Variants in LURAP1L observed in about 807,000 individuals in gnomAD.
LURAP1L encodes the protein leucine rich adaptor protein 1 like.
LURAP1L carries 12 observed loss-of-function variants against 13.8 expected under a neutral mutation model. The observed-to-expected ratio is 0.87, with a 90% confidence interval of 0.56 to 1.41. LURAP1L has a LOEUF of 1.41. Ranked by LOEUF, LURAP1L falls within the 40% of genes most tolerant of loss-of-function variation. The pLI, the probability that LURAP1L is intolerant of heterozygous loss-of-function variation, is 0.00. For missense variants in LURAP1L, 375 were observed against 292.9 expected (o/e 1.28, Z -2.04); for synonymous variants, 139 against 119.2 (o/e 1.17, Z -1.08).
At chr9:12,810,780 T>C (rs1015941983) in intron 1 of LURAP1L, among the ~76,000 whole-genome samples, 8 of 152,168 alleles carry the variant, frequency 5.3e-5, no homozygotes, top group Non-Finnish European at 1.0e-4. Flanking sequence ...TATTGGATGC[T>C]CTTCAGATCA....
chr9:12,785,880 A>C (rs1019362999), intron 1 of LURAP1L, among the ~76,000 whole-genome samples: 10 of 152,228 alleles, frequency 6.6e-5, no homozygotes, highest in African/African-American at 2.4e-4. Context: ...TTGTTTAGAT[A>C]GTTGTTCAAC....
In LURAP1L at chr9:12,821,733, G is replaced by A; in HGVS notation, c.660G>A (p.Leu220=). The change falls in exon 2 of 2, where the codon TTG becomes TTA. Residue 220 remains leucine (L), a synonymous_variant. Transcript: ENST00000319264. The part of the protein sequence containing the change: ...DSQALHKRPK[L]DSEYYCFG ...AGGCACTACACAAGCGTCCTAAATT[G>A]GATTCTGAATACTACTGCTTTGGCT... The A allele has an allele frequency of 1.9e-6, 3 of 1,613,802 alleles. No individual in the cohort carries two copies. The highest frequency in any genetic ancestry group is 2.5e-6 in the Non-Finnish European group (3 of 1,179,802).
In LURAP1L at chr9:12,776,041, G is replaced by A. The variant is rs1361782456; in HGVS notation, c.312+14G>A. ...AGGCAAGAGATGGTGAGTGTGGTGC[G>A]CCAGCCGCGGGGGCTGGGACCTGGG... On this transcript the variant is annotated intron_variant, in intron 1 of 1. Transcript: ENST00000319264. The A allele has an allele frequency of 6.2e-7, 1 of 1,612,060 alleles. No homozygotes were observed. The highest frequency in any genetic ancestry group is 8.5e-7 in the Non-Finnish European group (1 of 1,179,212).
intron 1 of LURAP1L, among the ~76,000 whole-genome samples, chr9:12,809,470 T>G (rs1819708080): frequency 6.6e-6 from 1 of 152,216 alleles, no homozygotes; most frequent in Admixed American, 6.5e-5. Flanking sequence ...GCATTTTCAT[T>G]TGTTTCCTTC....
intron 1 of LURAP1L, among the ~76,000 whole-genome samples, chr9:12,776,782 C>T (rs563999509): frequency 6.6e-6 from 1 of 152,218 alleles, no homozygotes; most frequent in South Asian, 2.1e-4. Flanking sequence ...TGTTTGCAAA[C>T]GTTTGCCTGA....
At chr9:12,806,399 C>G (rs1408032146) in intron 1 of LURAP1L, among the ~76,000 whole-genome samples, 1 of 147,148 alleles carries the variant, frequency 6.8e-6, no homozygotes, top group Non-Finnish European at 1.5e-5. Context: ...TTTTTCTTTT[C>G]TGGGTAGAAG....
intron 1 of LURAP1L, among the ~76,000 whole-genome samples, chr9:12,804,274 G>A (rs756760245): frequency 4.6e-5 from 7 of 151,378 alleles, no homozygotes; most frequent in African/African-American, 1.7e-4. Context: ...AGTCTATACC[G>A]TATTGGCCCC....
chr9:12,775,411 G>C lies in LURAP1L; in HGVS notation c.-305G>C, dbSNP rs1314716757. Reference sequence around the variant, plus strand: ...CCCCCTCTTTATTCCCCCTCTGTCTGCAATATCAGTGAACTCAACTTTGCA... The same window carrying C: ...CCCCCTCTTTATTCCCCCTCTGTCTCCAATATCAGTGAACTCAACTTTGCA... On this transcript the variant is annotated 5_prime_UTR_variant, in exon 1 of 2. Coordinates refer to ENST00000319264, the MANE Select transcript of LURAP1L (RefSeq NM_203403.2). The C allele has an allele frequency of 2.9e-6, 1 of 347,662 alleles. No homozygotes were observed. Among genetic ancestry groups the C allele is most frequent in the Admixed American group, 4.7e-5 (1 of 21,280 alleles). The allele number at this position is 347,662 out of a possible 1,614,324, so 21.5% of individuals were successfully genotyped here. A position where few individuals can be genotyped will look rare whatever the true frequency, so the allele number is the denominator to read the frequency against.
chr9:12,791,680 TC>T (rs1181688943), intron 1 of LURAP1L, among the ~76,000 whole-genome samples: 1 of 143,178 alleles, frequency 7.0e-6, no homozygotes, highest in Non-Finnish European at 1.5e-5. Context: ...CCTGCCCTCC[TC>T]CCTTCTTTTT....
At chr9:12,816,062 A>T (rs777933642) in intron 1 of LURAP1L, among the ~76,000 whole-genome samples, 3 of 152,190 alleles carry the variant, frequency 2.0e-5, no homozygotes, top group African/African-American at 7.2e-5. Flanking sequence ...CTCATAACGT[A>T]AACAATTTCG....
At chr9:12,805,361 C>A (rs143065070) in intron 1 of LURAP1L, among the ~76,000 whole-genome samples, 2 of 152,004 alleles carry the variant, frequency 1.3e-5, no homozygotes, top group African/African-American at 4.8e-5. Context: ...GAAGAAAAGA[C>A]TTCATATTCT....
At chr9:12,800,891 G>A (rs1017072440) in intron 1 of LURAP1L, among the ~76,000 whole-genome samples, 3 of 152,068 alleles carry the variant, frequency 2.0e-5, no homozygotes, top group African/African-American at 2.4e-5. Flanking sequence ...CTTAGTAACC[G>A]GCAGCACAGC....
intron 1 of LURAP1L, among the ~76,000 whole-genome samples, chr9:12,788,212 C>G (rs1405505278): frequency 8.3e-6 from 1 of 120,586 alleles, no homozygotes; most frequent in Non-Finnish European, 1.8e-5. Context: ...AAAAGAAAAG[C>G]TCAATGTGTT....
At chr9:12,795,766 A>T (rs189670332) in intron 1 of LURAP1L, among the ~76,000 whole-genome samples, 1 of 152,004 alleles carries the variant, frequency 6.6e-6, no homozygotes, top group Non-Finnish European at 1.5e-5. Flanking sequence ...TTTTCTTACA[A>T]TTGTCTTCTT....
At chr9:12,807,514 G>A (rs999878738) in intron 1 of LURAP1L, among the ~76,000 whole-genome samples, 2 of 152,114 alleles carry the variant, frequency 1.3e-5, no homozygotes, top group African/African-American at 4.8e-5. Flanking sequence ...TGATGCCTTA[G>A]TCCTCTGAGT....
At chr9:12,783,160 A>C (rs370173648) in intron 1 of LURAP1L, among the ~76,000 whole-genome samples, 12 of 152,112 alleles carry the variant, frequency 7.9e-5, no homozygotes, top group African/African-American at 2.4e-4. Context: ...AAATAAGAAT[A>C]ATTTGACTTT....
rs1368886982 is a variant in LURAP1L, at chr9:12,783,820, T to C, written c.312+7793T>C. Among the ~76,000 whole-genome samples, 4 of 150,550 alleles carry C rather than the reference T, an allele frequency of 2.7e-5. No individual in the cohort carries two copies. In the South Asian group the frequency reaches 6.3e-4, roughly 24 times the overall value. On this transcript the variant is annotated intron_variant, in intron 1 of 1. Coordinates refer to ENST00000319264, the MANE Select transcript of LURAP1L (RefSeq NM_203403.2). The stretch of plus-strand genomic sequence containing the variant: ...AAAATTCAGCAATGAAGCTATGAGG[T>C]CCTGGGCTTTTTTTTTTTTTTTAAT...
At chr9:12,811,830 A>C (rs1409933912) in intron 1 of LURAP1L, among the ~76,000 whole-genome samples, 1 of 152,312 alleles carries the variant, frequency 6.6e-6, no homozygotes, top group East Asian at 1.9e-4. Context: ...GGCACAGATC[A>C]AGTGAAGGCC....
At chr9:12,779,062 GTC>G (rs796795219) in intron 1 of LURAP1L, among the ~76,000 whole-genome samples, 2 of 151,890 alleles carry the variant, frequency 1.3e-5, no homozygotes, top group Admixed American at 6.6e-5. Flanking sequence ...CTATGTGAAT[GTC>G]TCTCTCTCTC....
Sources: allele counts gnomAD v4.1 joint callset (sites outside exome capture counted in the v4.1 genomes callset), GRCh38; gene constraint gnomAD v4.1.1; transcripts MANE v1.5; gene names NCBI Gene and HGNC (gene_info 2026-07-23, HGNC 2026-07-21).